Variants in NF1 observed in about 807,000 individuals in gnomAD.
NF1 encodes the protein neurofibromin 1, also known as neurofibromin.
NF1 carries 122 observed loss-of-function variants against 325.7 expected under a neutral mutation model. The ratio of observed to expected loss-of-function variants is 0.37; its 90% CI spans 0.32 to 0.44. NF1 has a LOEUF of 0.44. NF1 is among the 20% of genes least tolerant of loss of function. The pLI, the probability that NF1 is intolerant of heterozygous loss-of-function variation, is 1.00. For missense variants in NF1, 2,140 were observed against 3,415.4 expected, an observed-to-expected ratio of 0.63 and a Z score of 9.31; for synonymous variants, 1,091 against 1,186.0, an observed-to-expected ratio of 0.92 and a Z score of 1.65.
At position 31,340,677 on chromosome 17, in the gene NF1, T is replaced by C. The variant is rs1378747529; in HGVS notation, c.7062+32T>C. The C allele has an allele frequency of 1.9e-6, 3 of 1,608,072 alleles. No homozygotes were observed. In the African/African-American group the frequency reaches 4.0e-5, roughly 22 times the overall value. ...AAACTTTGCCTTGAGGTTCCTAGAT[T>C]ACTCAAATTTAGTACTCTTCCATCT... On this transcript the variant is annotated intron_variant, in intron 47 of 57. Transcript: ENST00000358273.
At chr17:31,265,204 A>G in intron 35 of NF1, 25 bp from the exon 36 acceptor site, 1 of 1,506,560 alleles carries the variant, frequency 6.6e-7, no homozygotes, top group South Asian at 1.1e-5. Context: ...AAAGCCTCAT[A>G]ATTACTCTGT....
rs368960828 is a variant in NF1 at position 31,285,025 on chromosome 17, A to AGGAGAATCGCTTGAGCCC, written c.4835+19689_4835+19706dup. Among the ~76,000 whole-genome samples the AGGAGAATCGCTTGAGCCC allele has an allele frequency of 9.3e-3, 1,423 of 152,266 alleles. 21 individuals are homozygous for AGGAGAATCGCTTGAGCCC. Among genetic ancestry groups the AGGAGAATCGCTTGAGCCC allele is most frequent in the African/African-American group, 0.032 (1,339 of 41,556 alleles). On this transcript the variant is annotated intron_variant, in intron 36 of 57. Coordinates refer to ENST00000358273, the MANE Select transcript of NF1 (RefSeq NM_001042492.3). ...TTCCAGCTACTCAGGAGGCTGAGGC[A>AGGAGAATCGCTTGAGCCC]GGAGAATCGCTTGAGCCCGGGAGGC...
In NF1 at chr17:31,336,132, CAAAT is replaced by C. The variant is rs2069662120; in HGVS notation, c.6007-200_6007-197del. Among the ~76,000 whole-genome samples, 1 of 152,042 alleles carries C rather than the reference CAAAT, an allele frequency of 6.6e-6. No homozygotes were observed. Among genetic ancestry groups the C allele is most frequent in the African/African-American group, 2.4e-5 (1 of 41,394 alleles). On this transcript the variant is annotated intron_variant, in intron 40 of 57. Coordinates refer to ENST00000358273, the MANE Select transcript of NF1 (RefSeq NM_001042492.3). This position sits in a 1 kb window ranked among gnomAD's most constrained non-coding sequence, Gnocchi z 5.5. ...CCAATCTCTTAATCTCTGAAGGAGT[CAAAT>C]GAATATACTCATCCTTTACTGGATA...
At chr17:31,304,367 C>T (rs2068649516) in intron 36 of NF1, 1 of 1,614,078 alleles carries the variant, frequency 6.2e-7, no homozygotes, top group South Asian at 1.1e-5. Context: ...TTGGAATCTT[C>T]TTGGTTTTTC....
At chr17:31,295,887 C>G in intron 36 of NF1, 1 of 1,614,058 alleles carries the variant, frequency 6.2e-7, no homozygotes, top group Non-Finnish European at 8.5e-7. Flanking sequence ...TTGAGAACCT[C>G]GAGACTTCTT....
chr17:31,304,708 G>C, intron 36 of NF1: 3 of 1,614,116 alleles, frequency 1.9e-6, no homozygotes, highest in South Asian at 2.2e-5. Context: ...GGGGTTGTTG[G>C]AGTCTTCAAT....
At chr17:31,247,381 T>C (rs1439817667) in intron 29 of NF1, among the ~76,000 whole-genome samples, 1 of 152,104 alleles carries the variant, frequency 6.6e-6, no homozygotes, top group African/African-American at 2.4e-5. Context: ...TACTGATTTT[T>C]AGATACCAGT....
intron 1 of NF1, among the ~76,000 whole-genome samples, chr17:31,124,261 T>TGGC: frequency 1.3e-5 from 2 of 152,108 alleles, no homozygotes; most frequent in South Asian, 4.1e-4. Flanking sequence ...GCCAGGGCCT[T>TGGC]GCCTTGTTGC....
chr17:31,148,598 A>G (rs1467056719), intron 1 of NF1, among the ~76,000 whole-genome samples: 1 of 152,120 alleles, frequency 6.6e-6, no homozygotes, highest in Non-Finnish European at 1.5e-5. Context: ...AAAGTACAAA[A>G]TAAAATATCT....
chr17:31,356,785 T>G, intron 52 of NF1, 175 bp from the exon 53 acceptor site: 1 of 1,159,298 alleles, frequency 8.6e-7, no homozygotes, highest in Non-Finnish European at 1.2e-6. Context: ...TATACAGCAT[T>G]GTAAATAGGT....
intron 30 of NF1, chr17:31,251,261 A>G (rs919006649): frequency 4.8e-6 from 1 of 208,076 alleles, no homozygotes; most frequent in African/African-American, 2.3e-5. Flanking sequence ...GCCTGGAGGG[A>G]TAGTAGTCCC....
At chr17:31,177,451 C>T (rs769625313) in intron 5 of NF1, among the ~76,000 whole-genome samples, 10 of 151,788 alleles carry the variant, frequency 6.6e-5, no homozygotes, top group Non-Finnish European at 1.2e-4. Flanking sequence ...AAAACGAGCA[C>T]GCCTCTTCTC....
At chr17:31,144,318 C>T (rs1916437562) in intron 1 of NF1, among the ~76,000 whole-genome samples, 1 of 152,172 alleles carries the variant, frequency 6.6e-6, no homozygotes, top group Non-Finnish European at 1.5e-5. Context: ...TTCTAACATA[C>T]AGCAACAAGA....
intron 27 of NF1, 109 bp from the exon 28 acceptor site, chr17:31,235,502 T>G: frequency 9.0e-7 from 1 of 1,112,398 alleles, no homozygotes; most frequent in Non-Finnish European, 1.4e-6. Context: ...TTGCCTTAAT[T>G]TAGCAAGTGG....
intron 31 of NF1, among the ~76,000 whole-genome samples, chr17:31,255,814 T>C (rs2067573731): frequency 6.6e-6 from 1 of 152,198 alleles, no homozygotes; most frequent in Admixed American, 6.5e-5. Context: ...TAATTGATGA[T>C]AACCATTACA....
intron 1 of NF1, among the ~76,000 whole-genome samples, chr17:31,103,900 GGTA>G (rs1260894625): frequency 1.3e-5 from 2 of 152,062 alleles, no homozygotes; most frequent in African/African-American, 4.8e-5. Context: ...AGCCAAGTGT[GGTA>G]GTATATGCTA....
chr17:31,096,101 T>C (rs2940184), intron 1 of NF1, among the ~76,000 whole-genome samples: 81,421 of 150,514 alleles, frequency 0.54, 25,778 homozygotes, highest in Middle Eastern at 0.76. Context: ...TTCTGAAATA[T>C]CTTCCCCTTC....
At chr17:31,266,732 C>A (rs2067795981) in intron 36 of NF1, among the ~76,000 whole-genome samples, 1 of 111,920 alleles carries the variant, frequency 8.9e-6, no homozygotes, top group Non-Finnish European at 2.2e-5. Context: ...GAAAACAAAG[C>A]TGCGTTTTTT....
At chr17:31,326,485 T>TA (rs1334671795) in intron 37 of NF1, among the ~76,000 whole-genome samples, 3 of 152,070 alleles carry the variant, frequency 2.0e-5, no homozygotes, top group African/African-American at 7.2e-5. Flanking sequence ...CCGTCTCTAC[T>TA]AAAAATACAA....
Sources: allele counts gnomAD v4.1 joint callset (sites outside exome capture counted in the v4.1 genomes callset), GRCh38; gene constraint gnomAD v4.1.1; non-coding constraint Gnocchi (gnomAD v3.1); transcripts MANE v1.5; gene names NCBI Gene and HGNC (gene_info 2026-07-23, HGNC 2026-07-21).